KIF16B: variants seen among roughly 807,000 people sequenced by gnomAD.
The protein encoded by KIF16B is kinesin-like protein KIF16B.
A neutral mutation model predicts 156.3 loss-of-function variants in KIF16B; 98 were observed. That is an observed-to-expected ratio of 0.63 (90% CI 0.53 to 0.74). KIF16B has a LOEUF of 0.74. Ranked by LOEUF, KIF16B falls within the 30% of genes least tolerant of loss-of-function variation. The pLI is 0.00. For synonymous variants in KIF16B, 564 were observed against 583.7 expected, an observed-to-expected ratio of 0.97 and a Z score of 0.49; for missense variants, 1,421 against 1,606.5, an observed-to-expected ratio of 0.88 and a Z score of 1.97.
intron 12 of KIF16B, among the ~76,000 whole-genome samples, chr20:16,482,929 C>T (rs549244989): frequency 6.6e-6 from 1 of 152,226 alleles, no homozygotes; most frequent in East Asian, 1.9e-4. Context: ...AGAGGTGGCC[C>T]TTGATTCATC....
intron 12 of KIF16B, among the ~76,000 whole-genome samples, chr20:16,435,916 A>G (rs1009864105): frequency 6.6e-6 from 1 of 151,932 alleles, no homozygotes; most frequent in African/African-American, 2.4e-5. Flanking sequence ...TTTTATTACC[A>G]TCTTGCTTTG....
At chr20:16,277,173 C>T (rs913541563) in intron 25 of KIF16B, among the ~76,000 whole-genome samples, 7 of 152,152 alleles carry the variant, frequency 4.6e-5, no homozygotes, top group Admixed American at 6.5e-5. Context: ...CTGTGAGATG[C>T]GGCCATGCTG....
At chr20:16,367,332 T>C (rs2064692651) in intron 22 of KIF16B, 1 of 1,612,660 alleles carries the variant, frequency 6.2e-7, no homozygotes, top group Non-Finnish European at 8.5e-7. Flanking sequence ...AAGGTTTGAG[T>C]TTCTGTAAGA....
At chr20:16,340,215 CAT>C (rs1393075072) in intron 23 of KIF16B, among the ~76,000 whole-genome samples, 1 of 152,272 alleles carries the variant, frequency 6.6e-6, no homozygotes, top group Middle Eastern at 3.4e-3. Flanking sequence ...CACATTTTCA[CAT>C]GACTAGCTCC....
chr20:16,421,992 T>A (rs970113966), intron 15 of KIF16B, among the ~76,000 whole-genome samples: 15 of 152,124 alleles, frequency 9.9e-5, no homozygotes, highest in African/African-American at 3.4e-4. Context: ...GTATCTTCAA[T>A]ATGAAGATAA....
At chr20:16,550,525 A>ATTT (rs2070602156) in intron 1 of KIF16B, among the ~76,000 whole-genome samples, 3 of 125,340 alleles carry the variant, frequency 2.4e-5, no homozygotes, top group East Asian at 2.6e-4. Flanking sequence ...CACATGAAAC[A>ATTT]TTCTTTTTTT....
intron 12 of KIF16B, among the ~76,000 whole-genome samples, chr20:16,475,042 A>G (rs1047575378): frequency 2.0e-5 from 3 of 152,262 alleles, no homozygotes; most frequent in Non-Finnish European, 4.4e-5. Flanking sequence ...GAATGAAGTG[A>G]CAATAATGAC....
At chr20:16,548,288 G>T (rs1215457297) in intron 1 of KIF16B, among the ~76,000 whole-genome samples, 1 of 152,116 alleles carries the variant, frequency 6.6e-6, no homozygotes, top group Non-Finnish European at 1.5e-5. Flanking sequence ...GATTCAGAGT[G>T]CACATAGAAC....
In KIF16B at chr20:16,310,011, T is replaced by C. The variant is rs150211273; in HGVS notation, c.3795+2324A>G. Among the ~76,000 whole-genome samples the C allele has an allele frequency of 1.3e-3, 191 of 152,372 alleles. 3 individuals carry two copies. The highest frequency in any genetic ancestry group is 4.1e-3 in the African/African-American group (172 of 41,586). ...GAAAATAACTAAGTTGATTTTCATA[T>C]GAAAATAGTCGCAGGGAATTAACTC... On this transcript the variant is annotated intron_variant, in intron 25 of 25. Coordinates refer to ENST00000354981, the MANE Select transcript of KIF16B (RefSeq NM_024704.5).
intron 4 of KIF16B, among the ~76,000 whole-genome samples, chr20:16,513,252 CA>C (rs1338202265): frequency 2.6e-5 from 4 of 152,096 alleles, no homozygotes; most frequent in African/African-American, 9.7e-5. Context: ...AATACATGCT[CA>C]AATGAACAAG....
intron 19 of KIF16B, among the ~76,000 whole-genome samples, chr20:16,375,170 C>T (rs2064916980): frequency 1.3e-5 from 2 of 152,230 alleles, no homozygotes; most frequent in South Asian, 4.1e-4. Flanking sequence ...CCAGCCCCAT[C>T]AGGCCAGAGG....
intron 12 of KIF16B, among the ~76,000 whole-genome samples, chr20:16,488,066 CCA>C (rs1470039729): frequency 6.6e-6 from 1 of 152,234 alleles, no homozygotes; most frequent in Non-Finnish European, 1.5e-5. Context: ...CGCTGCCACA[CCA>C]CAGTCAAAAG....
intron 1 of KIF16B, among the ~76,000 whole-genome samples, chr20:16,553,032 C>T (rs1053711299): frequency 1.3e-5 from 2 of 152,110 alleles, no homozygotes; most frequent in African/African-American, 2.4e-5. Flanking sequence ...TCCCAAAGTG[C>T]TGGGATTACA....
At chr20:16,335,834 GAC>G in intron 24 of KIF16B, 90 bp downstream of exon 24, 1 of 748,102 alleles carries the variant, frequency 1.3e-6, no homozygotes, top group South Asian at 1.8e-5. Context: ...GAAAGAGAGA[GAC>G]AGAGAGAGAG....
Position 16,371,680 on chromosome 20 carries a change from A to C in KIF16B, c.3432T>G (p.Ser1144=), listed in dbSNP as rs773975721. ...TTCAGCTTACCTTCATCGTGTCTGC[A>C]GATGTACTGCAGCCTTCACTAATCA... ...HRVISEGCST[S]ADTMKDNEKL... is the part of the protein sequence containing the mutation. Residue 1144 remains serine, a synonymous_variant, in exon 21 of 26, where the codon TCT becomes TCG. Coordinates refer to ENST00000354981, the MANE Select transcript of KIF16B (RefSeq NM_024704.5). The C allele has an allele frequency of 6.2e-7, 1 of 1,611,832 alleles. No individual in the cohort carries two copies. Among genetic ancestry groups the C allele is most frequent in the Non-Finnish European group, 8.5e-7 (1 of 1,178,090 alleles).
intron 16 of KIF16B, among the ~76,000 whole-genome samples, chr20:16,406,082 C>A (rs1600308100): frequency 1.3e-5 from 2 of 152,282 alleles, no homozygotes; most frequent in East Asian, 3.9e-4. Context: ...TCACTCTCCA[C>A]CTAATGCAAA....
At chr20:16,507,331 A>C (rs2068815130) in intron 7 of KIF16B, among the ~76,000 whole-genome samples, 1 of 152,118 alleles carries the variant, frequency 6.6e-6, no homozygotes, top group Non-Finnish European at 1.5e-5. Flanking sequence ...TCCAACTGTT[A>C]ACCCAGATAA....
chr20:16,354,742 G>C (rs138984570), intron 23 of KIF16B, among the ~76,000 whole-genome samples: 142 of 152,272 alleles, frequency 9.3e-4, no homozygotes, highest in African/African-American at 3.3e-3. Flanking sequence ...TCAGGAGGTG[G>C]AGACCATCCT....
chr20:16,466,225 T>A (rs889681126), intron 12 of KIF16B, among the ~76,000 whole-genome samples: 12 of 152,232 alleles, frequency 7.9e-5, no homozygotes, highest in Non-Finnish European at 1.6e-4. Flanking sequence ...GTTCAGCATG[T>A]TCCACAGCTT....
Sources: gnomAD v4.1 joint callset for allele counts (sites outside exome capture counted in the v4.1 genomes callset) on GRCh38, gnomAD v4.1.1 for gene constraint, MANE v1.5 for transcripts, NCBI Gene and HGNC (gene_info 2026-07-23, HGNC 2026-07-21) for gene names.